CSMD1: variants seen among roughly 807,000 people sequenced by gnomAD.
The protein encoded by CSMD1 is CUB and sushi domain-containing protein 1.
Under a neutral mutation model 417.5 loss-of-function variants are expected in CSMD1, and 213 were observed. The ratio of observed to expected loss-of-function variants is 0.51; its 90% CI spans 0.46 to 0.57. The LOEUF is 0.57. CSMD1 is among the 20% of genes least tolerant of loss of function. The pLI is 0.00. For synonymous variants in CSMD1, 2,862 were observed against 1,736.8 expected, an observed-to-expected ratio of 1.65 and a Z score of -16.11; for missense variants, 6,923 against 4,529.7, an observed-to-expected ratio of 1.53 and a Z score of -15.17.
At chr8:3,470,068 C>A (rs978387033) in intron 11 of CSMD1, among the ~76,000 whole-genome samples, 2 of 151,544 alleles carry the variant, frequency 1.3e-5, no homozygotes, top group South Asian at 4.2e-4. Flanking sequence ...AACCGCCACA[C>A]AGATCAACAC....
intron 39 of CSMD1, among the ~76,000 whole-genome samples, chr8:3,153,040 A>T (rs1819299456): frequency 6.6e-6 from 1 of 152,228 alleles, no homozygotes; most frequent in Non-Finnish European, 1.5e-5. Context: ...CCAGATGGTG[A>T]AGGCTTTCTA....
At chr8:4,402,800 C>CT (rs60965667) in intron 3 of CSMD1, among the ~76,000 whole-genome samples, 1,022 of 89,262 alleles carry the variant, frequency 0.011, 6 homozygotes, top group East Asian at 0.024. Flanking sequence ...TCACTTTTTT[C>CT]TTTTTTTTTT....
intron 3 of CSMD1, among the ~76,000 whole-genome samples, chr8:4,066,994 A>G (rs780664731): frequency 6.6e-6 from 1 of 152,262 alleles, no homozygotes; most frequent in Non-Finnish European, 1.5e-5. Context: ...CAACTCCACA[A>G]CTGAGAAACA....
intron 4 of CSMD1, among the ~76,000 whole-genome samples, chr8:4,013,800 C>T (rs1796392637): frequency 6.6e-6 from 1 of 152,162 alleles, no homozygotes; most frequent in Non-Finnish European, 1.5e-5. Flanking sequence ...GAAACACAGC[C>T]AGTCTATCTG....
At chr8:4,573,684 C>A (rs1798998240) in intron 2 of CSMD1, among the ~76,000 whole-genome samples, 1 of 152,100 alleles carries the variant, frequency 6.6e-6, no homozygotes, top group Non-Finnish European at 1.5e-5. Flanking sequence ...TCAGAGCCAG[C>A]AGGCAGAAAG....
At chr8:4,493,217 A>G (rs1801796900) in intron 2 of CSMD1, among the ~76,000 whole-genome samples, 1 of 152,264 alleles carries the variant, frequency 6.6e-6, no homozygotes, top group African/African-American at 2.4e-5. Context: ...TGGAAGCACA[A>G]AAATATATTA....
At position 3,715,009 on chromosome 8, in the gene CSMD1, C is replaced by T. The variant is rs185313569; in HGVS notation, c.932-6518G>A. Among the ~76,000 whole-genome samples the T allele has an allele frequency of 1.2e-4, 19 of 152,134 alleles. No homozygotes were observed. In the East Asian group the frequency reaches 3.7e-3, roughly 29 times the overall value. On this transcript the variant is annotated intron_variant, in intron 6 of 69. Transcript: ENST00000635120. ...TTTCTAATATTAGAATTTAGAATTG[C>T]TTTCAAAATGTTTAACTTATTCATT...
At position 4,388,218 on chromosome 8, in the gene CSMD1, A is replaced by C. The variant is rs147772331; in HGVS notation, c.415+31735T>G. Among the ~76,000 whole-genome samples the C allele has an allele frequency of 3.0e-3, 456 of 152,114 alleles. 1 individual carries two copies. The highest frequency in any genetic ancestry group is 0.01 in the African/African-American group (426 of 41,532). Reference sequence around the variant, plus strand: ...CATTATACGAAAAAGATATTTGCACATGCGTGTTTACAGTGGAATTCACAA... The same window carrying C: ...CATTATACGAAAAAGATATTTGCACCTGCGTGTTTACAGTGGAATTCACAA... On this transcript the variant is annotated intron_variant, in intron 3 of 69. Transcript: ENST00000635120.
At chr8:3,429,420 T>G (rs1230412691) in intron 12 of CSMD1, among the ~76,000 whole-genome samples, 4 of 152,184 alleles carry the variant, frequency 2.6e-5, no homozygotes, top group Admixed American at 2.0e-4. Context: ...ACAGAGGTAG[T>G]GACCCAAGGG....
Position 3,837,944 on chromosome 8 carries a change from T to TA in CSMD1, c.819-83903dup, listed in dbSNP as rs531978981. On this transcript the variant is annotated intron_variant, in intron 5 of 69. Transcript: ENST00000635120. ...TACTGTTTTTCAAATAAATGTCCTT[T>TA]AATTTATTTCTTATTTTTCATGAGT... Among the ~76,000 whole-genome samples, 29 of 152,250 alleles carry TA rather than the reference T, an allele frequency of 1.9e-4. No homozygotes were observed. In the East Asian group the frequency reaches 5.6e-3, roughly 29 times the overall value.
rs11136606 is a variant in CSMD1, at chr8:3,315,440, G to A, written c.3632-6937C>T. Among the ~76,000 whole-genome samples, 12 of 86,176 alleles carry A rather than the reference G, an allele frequency of 1.4e-4. No homozygotes were observed. In the South Asian group the frequency reaches 1.4e-3, roughly 10 times the overall value. 56.5% of individuals were successfully genotyped at this position (86,176 alleles called of 152,430 possible). On this transcript the variant is annotated intron_variant, in intron 23 of 69. Transcript: ENST00000635120. ...GAATGAAATTCTAGGTGAAGTGAGT[G>A]TGTGTGTGTGTGTGTGTGTGTGATT...
At chr8:3,477,834 G>A (rs1398687948) in intron 11 of CSMD1, among the ~76,000 whole-genome samples, 1 of 152,142 alleles carries the variant, frequency 6.6e-6, no homozygotes, top group African/African-American at 2.4e-5. Context: ...CGGGTTCCCA[G>A]GACATGGTAG....
At chr8:4,432,255 G>C (rs889506869) in intron 2 of CSMD1, among the ~76,000 whole-genome samples, 10 of 152,162 alleles carry the variant, frequency 6.6e-5, no homozygotes, top group African/African-American at 2.2e-4. Context: ...AACTCACACA[G>C]GAACTTAACT....
intron 3 of CSMD1, among the ~76,000 whole-genome samples, chr8:4,362,911 A>C (rs11987975): frequency 0.041 from 6,319 of 152,326 alleles, 316 homozygotes; most frequent in African/African-American, 0.11. Context: ...TAAATGTAAA[A>C]GATTATTTCT....
intron 1 of CSMD1, among the ~76,000 whole-genome samples, chr8:4,973,681 C>T (rs749544686): frequency 2.6e-5 from 4 of 152,136 alleles, no homozygotes; most frequent in Non-Finnish European, 4.4e-5. Flanking sequence ...ATTCATTATC[C>T]TGACCATAAG....
intron 46 of CSMD1, among the ~76,000 whole-genome samples, chr8:3,100,197 G>A (rs555378458): frequency 3.9e-5 from 6 of 152,100 alleles, no homozygotes; most frequent in South Asian, 2.1e-4. Flanking sequence ...GACTACAGGC[G>A]CACACCACCC....
intron 5 of CSMD1, among the ~76,000 whole-genome samples, chr8:3,834,571 T>G (rs964439397): frequency 2.0e-5 from 3 of 152,212 alleles, no homozygotes; most frequent in African/African-American, 4.8e-5. Flanking sequence ...GTATCCTGGC[T>G]GTATTACAAA....
At chr8:3,341,790 C>G (rs1385237133) in intron 23 of CSMD1, among the ~76,000 whole-genome samples, 1 of 152,306 alleles carries the variant, frequency 6.6e-6, no homozygotes, top group East Asian at 1.9e-4. Context: ...TACCCACAGG[C>G]TTTTCAAACA....
At chr8:3,917,218 C>G (rs113070629) in intron 5 of CSMD1, among the ~76,000 whole-genome samples, 2 of 152,106 alleles carry the variant, frequency 1.3e-5, no homozygotes, top group African/African-American at 2.4e-5. Flanking sequence ...TCCCATGAGC[C>G]ATTTCCTGTG....
Sources: allele counts gnomAD v4.1 joint callset (sites outside exome capture counted in the v4.1 genomes callset), GRCh38; gene constraint gnomAD v4.1.1; transcripts MANE v1.5; gene names NCBI Gene and HGNC (gene_info 2026-07-23, HGNC 2026-07-21).